Variants in RTN4R observed in about 807,000 individuals in gnomAD.
The protein encoded by RTN4R is reticulon-4 receptor.
RTN4R carries 4 observed loss-of-function variants against 27.7 expected under a neutral mutation model. That is an observed-to-expected ratio of 0.14 (90% CI 0.07 to 0.33). RTN4R has a LOEUF of 0.33. RTN4R is among the 10% of genes least tolerant of loss of function. RTN4R has a pLI of 1.00. For synonymous variants in RTN4R, 290 were observed against 305.6 expected, an observed-to-expected ratio of 0.95 and a Z score of 0.53; for missense variants, 554 against 671.5, an observed-to-expected ratio of 0.83 and a Z score of 1.93.
chr22:20,252,300 C>G (rs911095939), intron 1 of RTN4R, among the ~76,000 whole-genome samples: 4 of 152,188 alleles, frequency 2.6e-5, no homozygotes, highest in African/African-American at 9.7e-5. Flanking sequence ...AGTACTGGGT[C>G]GACACCAGAT....
Position 20,242,568 on chromosome 22 carries a change from G to C in RTN4R, c.565C>G (p.Arg189Gly). The C allele has an allele frequency of 6.2e-7, 1 of 1,613,514 alleles. No homozygotes were observed. The change falls in exon 2 of 2, where the codon CGC (arginine) becomes GGC (glycine). Residue 189 changes from arginine to glycine, a missense_variant. Arg to Gly is a moderately radical substitution (Grantham distance 125, BLOSUM62 -2). Around this residue, in one of 2 missense-constraint regions of RTN4R, gnomAD observed 413 missense variants for 542.3 expected, o/e 0.76. Transcript: ENST00000043402. ...NLTHLFLHGN[R>G]ISSVPERAFR... ...GCGCGCTCGGGCACGCTGGAGATGC[G>C]GTTGCCGTGCAGGAAGAGGTGTGTG...
At position 20,242,323 on chromosome 22, in the gene RTN4R, T is replaced by G; in HGVS notation, c.810A>C (p.Pro270=). 1 of 1,609,856 alleles carries G rather than the reference T, an allele frequency of 6.2e-7. No homozygotes were observed. The highest frequency in any genetic ancestry group is 8.5e-7 in the Non-Finnish European group (1 of 1,178,922). Residue 270 remains proline, a synonymous_variant, in exon 2 of 2, where the codon CCA becomes CCC. Coordinates refer to ENST00000043402, the MANE Select transcript of RTN4R (RefSeq NM_023004.6). ...NPWVCDCRAR[P]LWAWLQKFRG... Reference sequence around the variant, plus strand: ...GGAACTTCTGCAGCCAGGCCCAGAGTGGGCGTGCCCGGCAGTCACACACCC... The same window carrying G: ...GGAACTTCTGCAGCCAGGCCCAGAGGGGGCGTGCCCGGCAGTCACACACCC...
intron 1 of RTN4R, among the ~76,000 whole-genome samples, chr22:20,254,764 G>A (rs970155914): frequency 6.6e-6 from 1 of 152,110 alleles, no homozygotes; most frequent in African/African-American, 2.4e-5. Context: ...AGCAGGACAA[G>A]TGCTTGGGGT....
intron 1 of RTN4R, among the ~76,000 whole-genome samples, chr22:20,261,345 G>A (rs1221981294): frequency 2.0e-5 from 3 of 152,220 alleles, no homozygotes; most frequent in Non-Finnish European, 4.4e-5. Flanking sequence ...TCCACAGCTA[G>A]TTTAGTCCAG....
intron 1 of RTN4R, among the ~76,000 whole-genome samples, chr22:20,262,247 G>T (rs187235944): frequency 1.3e-3 from 196 of 152,322 alleles, no homozygotes; most frequent in Middle Eastern, 3.4e-3. Context: ...GGAGGCCCAA[G>T]GTGTGTAGTG....
intron 1 of RTN4R, chr22:20,249,047 T>C: frequency 2.0e-6 from 1 of 508,020 alleles, no homozygotes. Flanking sequence ...AGTGCCCCCT[T>C]GCCCCACAGG....
chr22:20,254,206 A>T (rs2051200048), intron 1 of RTN4R, among the ~76,000 whole-genome samples: 1 of 152,016 alleles, frequency 6.6e-6, no homozygotes, highest in Non-Finnish European at 1.5e-5. Context: ...AGGTGGGAGG[A>T]CTGCTTGAGG....
At chr22:20,264,241 G>A (rs1235574042) in intron 1 of RTN4R, among the ~76,000 whole-genome samples, 2 of 152,240 alleles carry the variant, frequency 1.3e-5, no homozygotes, top group Admixed American at 1.3e-4. Context: ...AAATGATGGT[G>A]CATTCTCAGG....
chr22:20,259,218 G>A (rs2051230361), intron 1 of RTN4R, among the ~76,000 whole-genome samples: 2 of 152,224 alleles, frequency 1.3e-5, no homozygotes, highest in South Asian at 2.1e-4. Context: ...CCGGCAGCGG[G>A]TGAAGAATGG....
chr22:20,264,398 G>C (rs1354550296), intron 1 of RTN4R, among the ~76,000 whole-genome samples: 1 of 152,236 alleles, frequency 6.6e-6, no homozygotes, highest in Non-Finnish European at 1.5e-5. Context: ...GGACAGTGCA[G>C]GGAGATTTGT....
intron 1 of RTN4R, chr22:20,249,359 GC>G (rs368624109): frequency 9.6e-6 from 4 of 417,078 alleles, no homozygotes; most frequent in African/African-American, 6.1e-5. Flanking sequence ...GCCCTGCAGG[GC>G]CCACATCCAC....
chr22:20,267,810 A>C (rs1304028065), intron 1 of RTN4R: 1 of 370,382 alleles, frequency 2.7e-6, no homozygotes, highest in Non-Finnish European at 5.2e-6. Context: ...GGACCCTCGG[A>C]CCGCCACCCT....
chr22:20,243,613 G>C (rs1417299404), intron 1 of RTN4R: 1 of 434,678 alleles, frequency 2.3e-6, no homozygotes, highest in Admixed American at 2.6e-5. Context: ...GGGGGTGGAG[G>C]GCAAGTGTGT....
At position 20,249,473 on chromosome 22, in the gene RTN4R, A is replaced by T. The variant is rs553872717; in HGVS notation, c.23-6363T>A. The stretch of plus-strand genomic sequence containing the variant: ...GGCTGACCACTGCCTGTGAGCCCAG[A>T]GTGTCGGCCTTGACAGGGCAGGAGG... On this transcript the variant is annotated intron_variant, in intron 1 of 1. Transcript: ENST00000043402. Among the ~76,000 whole-genome samples, 3 of 152,314 alleles carry T rather than the reference A, an allele frequency of 2.0e-5. No homozygotes were observed. The East Asian group carries it at 5.8e-4, about 29-fold the overall frequency.
chr22:20,263,616 C>G (rs1000930312), intron 1 of RTN4R, among the ~76,000 whole-genome samples: 1 of 152,238 alleles, frequency 6.6e-6, no homozygotes, highest in African/African-American at 2.4e-5. Context: ...CCCGACACCT[C>G]ACTCCCAGAT....
chr22:20,250,335 G>A (rs1250078399), intron 1 of RTN4R, among the ~76,000 whole-genome samples: 2 of 152,226 alleles, frequency 1.3e-5, no homozygotes, highest in South Asian at 2.1e-4. Context: ...CTGCTTTCCC[G>A]CAACAACAGC....
At position 20,241,776 on chromosome 22, in the gene RTN4R, G is replaced by A. The variant is rs2145971410; in HGVS notation, c.1357C>T (p.Leu453Phe). ...DSEGSGALPS[L>F]TCSLTPLGLA... ...CCCAGGGGGGTGAGGCTGCAGGTGA[G>A]GCTGGGTAGGGCACCTGAGCCTTCT... Residue 453 changes from leucine (L) to phenylalanine (F), a missense_variant, in exon 2 of 2, where the codon CTC (leucine) becomes TTC (phenylalanine). Physicochemically the swap from Leu to Phe is conservative, Grantham distance 22 (BLOSUM62 0). This residue lies in a region of RTN4R where 141 missense variants were observed against 129.2 expected (regional missense o/e 1.09). Coordinates refer to ENST00000043402, the MANE Select transcript of RTN4R (RefSeq NM_023004.6). 1 of 1,556,736 alleles carries A rather than the reference G, an allele frequency of 6.4e-7. No individual in the cohort carries two copies. The highest frequency in any genetic ancestry group is 1.2e-5 in the South Asian group (1 of 84,886).
chr22:20,259,749 G>A (rs74933079), intron 1 of RTN4R, among the ~76,000 whole-genome samples: 14 of 152,212 alleles, frequency 9.2e-5, no homozygotes, highest in African/African-American at 3.4e-4. Flanking sequence ...TTTCATGAGC[G>A]GTCAATGTGG....
chr22:20,261,596 C>T (rs114094678), intron 1 of RTN4R, among the ~76,000 whole-genome samples: 1,564 of 152,332 alleles, frequency 0.01, 29 homozygotes, highest in African/African-American at 0.034. Flanking sequence ...AACTGATCTG[C>T]ACCTAACAGC....
Sources: allele counts gnomAD v4.1 joint callset (sites outside exome capture counted in the v4.1 genomes callset), GRCh38; gene constraint gnomAD v4.1.1; regional missense constraint gnomAD v4.1.1; transcripts MANE v1.5; gene names NCBI Gene and HGNC (gene_info 2026-07-23, HGNC 2026-07-21).